BAZ2B: variants seen among roughly 807,000 people sequenced by gnomAD.
The protein encoded by BAZ2B is bromodomain adjacent to zinc finger domain protein 2B.
In BAZ2B, 91 loss-of-function variants were observed where a neutral mutation model predicts 246.0. The ratio of observed to expected loss-of-function variants is 0.37; its 90% CI spans 0.31 to 0.44. The LOEUF is 0.44. Ranked by LOEUF, BAZ2B falls within the 20% of genes least tolerant of loss-of-function variation. The pLI, the probability that BAZ2B is intolerant of heterozygous loss-of-function variation, is 1.00. For synonymous variants in BAZ2B, 855 were observed against 860.0 expected (o/e 0.99, Z 0.10); for missense variants, 2,332 against 2,533.7 (o/e 0.92, Z 1.71).
At chr2:159,326,704 G>A (rs2063759846) in intron 34 of BAZ2B, among the ~76,000 whole-genome samples, 1 of 152,152 alleles carries the variant, frequency 6.6e-6, no homozygotes, top group African/African-American at 2.4e-5. Context: ...ACTTGCTAAA[G>A]TCATTCTAGC....
At chr2:159,414,099 T>C (rs1161484316) in intron 13 of BAZ2B, among the ~76,000 whole-genome samples, 1 of 152,172 alleles carries the variant, frequency 6.6e-6, no homozygotes, top group African/African-American at 2.4e-5. Context: ...TGAGATCCTT[T>C]CATTTGCAAC....
At chr2:159,438,926 C>A in intron 7 of BAZ2B, 83 bp downstream of exon 7, 1 of 1,410,790 alleles carries the variant, frequency 7.1e-7, no homozygotes, top group Non-Finnish European at 9.7e-7. Context: ...AACTTTAAAA[C>A]TACAGACTTT....
the BAZ2B span, among the ~76,000 whole-genome samples, chr2:159,704,128 G>C: frequency 6.6e-6 from 1 of 152,144 alleles, no homozygotes; most frequent in Non-Finnish European, 1.5e-5. Context: ...AAGCTCCATG[G>C]TAAGAAACTT....
chr2:159,427,907 G>C (rs765979673), intron 13 of BAZ2B, 34 bp downstream of exon 13: 2 of 1,531,032 alleles, frequency 1.3e-6, no homozygotes, highest in Non-Finnish European at 1.8e-6. Context: ...ACTACTTTTT[G>C]GTTCAAAGAC....
chr2:159,613,424 A>C (rs1695122477), intron 1 of BAZ2B, among the ~76,000 whole-genome samples: 1 of 150,806 alleles, frequency 6.6e-6, no homozygotes, highest in Non-Finnish European at 1.5e-5. Context: ...TCTCATAAAT[A>C]ACTTTGTATT....
At chr2:159,539,874 T>G (rs1181499279) in intron 2 of BAZ2B, among the ~76,000 whole-genome samples, 5 of 152,134 alleles carry the variant, frequency 3.3e-5, no homozygotes, top group Admixed American at 2.0e-4. Context: ...AACCTCTGAT[T>G]TTCACAACAC....
At chr2:159,316,546 C>T (rs1158247469), downstream of BAZ2B, among the ~76,000 whole-genome samples, 7 of 151,570 alleles carry the variant, frequency 4.6e-5, no homozygotes, top group African/African-American at 9.7e-5. Context: ...AAAAATTAGC[C>T]GGGCGTGGTG....
chr2:159,385,309 C>T lies in BAZ2B; in HGVS notation c.3532G>A (p.Glu1178Lys), dbSNP rs565632225. The change falls in exon 23 of 37, where the codon GAG becomes AAG. Residue 1178 changes from glutamate to lysine, a missense_variant. This residue lies in a region of BAZ2B where 328 missense variants were observed against 410.4 expected (regional missense o/e 0.80). Coordinates refer to ENST00000392783, the MANE Select transcript of BAZ2B (RefSeq NM_013450.4). ...GCTTCCATAAATATCTGTAAAATCT[C>T]GGAAACATTGTCTCGATTCACACCA... ...NVGVNRDNVS[E>K]ILQIFMEAHC... 6.2e-6 allele frequency: 10 copies of T among 1,613,346 alleles called. No homozygotes were observed. In the Admixed American group the frequency reaches 1.0e-4, roughly 16 times the overall value.
chr2:159,671,218 CAT>C, the BAZ2B span, among the ~76,000 whole-genome samples: 2 of 152,136 alleles, frequency 1.3e-5, no homozygotes, highest in South Asian at 4.1e-4. Flanking sequence ...TATCTTCACT[CAT>C]AAGCTGTCAA....
At chr2:159,445,349 G>T (rs917272852) in intron 6 of BAZ2B, among the ~76,000 whole-genome samples, 1 of 152,210 alleles carries the variant, frequency 6.6e-6, no homozygotes, top group African/African-American at 2.4e-5. Flanking sequence ...ACAGGAAAAG[G>T]AGATGTAGGG....
At chr2:159,374,066 GTTTTTTTTTCTTTTTTT>G in intron 26 of BAZ2B, among the ~76,000 whole-genome samples, 1 of 125,260 alleles carries the variant, frequency 8.0e-6, no homozygotes, top group Non-Finnish European at 1.6e-5. Context: ...GTTTTTCTTA[GTTTTTTTTTCTTTTTTT>G]TTTTTTTTTA....
the BAZ2B span, among the ~76,000 whole-genome samples, chr2:159,696,614 C>A: frequency 6.6e-6 from 1 of 152,188 alleles, no homozygotes; most frequent in East Asian, 1.9e-4. Flanking sequence ...CTTCTTTCTT[C>A]TCCTGTGCAG....
intron 1 of BAZ2B, among the ~76,000 whole-genome samples, chr2:159,606,280 AC>A (rs756563494): frequency 8.0e-5 from 12 of 149,424 alleles, no homozygotes; most frequent in Non-Finnish European, 1.2e-4. Flanking sequence ...CTCCAAAGTA[AC>A]CCCTCTTTTA....
chr2:159,388,002 T>C (rs1195880338), intron 21 of BAZ2B, among the ~76,000 whole-genome samples: 2 of 152,038 alleles, frequency 1.3e-5, no homozygotes, highest in African/African-American at 2.4e-5. Context: ...AAAGTTTTCT[T>C]TAAGCACTTT....
chr2:159,683,916 G>C, the BAZ2B span, among the ~76,000 whole-genome samples: 1 of 152,146 alleles, frequency 6.6e-6, no homozygotes. Context: ...AACACTTTCA[G>C]GTTCTAGAAA....
At position 159,446,817 on chromosome 2, in the gene BAZ2B, G is replaced by A; in HGVS notation, c.661C>T (p.Pro221Ser). The A allele has an allele frequency of 6.2e-7, 1 of 1,611,524 alleles. No homozygotes were observed. The highest frequency in any genetic ancestry group is 8.5e-7 in the Non-Finnish European group (1 of 1,178,966). The change falls in exon 6 of 37, where the codon CCT (proline) becomes TCT (serine). Residue 221 changes from proline (P) to serine (S), a missense_variant. Physicochemically the swap from Pro to Ser is moderately conservative, Grantham distance 74. This residue lies in a region of BAZ2B where 161 missense variants were observed against 225.8 expected (regional missense o/e 0.71). Transcript: ENST00000392783. ...KCNQEQSKNQ[P>S]LDARVDKIKD... ...ATTTTGTCAACTCTAGCATCCAAAG[G>A]CTGGTTTTTGCTTTGTTCCTGATTA...
the BAZ2B span, chr2:159,712,387 G>T: frequency 5.2e-5 from 8 of 152,420 alleles, no homozygotes; most frequent in African/African-American, 1.9e-4. Context: ...CCCGCGGTGG[G>T]GTACCTCCAG....
the BAZ2B span, among the ~76,000 whole-genome samples, chr2:159,633,738 C>CTTT: frequency 4.2e-5 from 5 of 120,252 alleles, no homozygotes; most frequent in African/African-American, 1.3e-4. Context: ...TCACTTTATT[C>CTTT]TTTTTTTTTT....
At chr2:159,706,576 G>C in the BAZ2B span, among the ~76,000 whole-genome samples, 44 of 152,334 alleles carry the variant, frequency 2.9e-4, 1 homozygote, top group South Asian at 9.1e-3. Flanking sequence ...GTGCACACTT[G>C]GCTGAACTCT....
Sources: gnomAD v4.1 joint callset for allele counts (sites outside exome capture counted in the v4.1 genomes callset) on GRCh38, gnomAD v4.1.1 for gene constraint, gnomAD v4.1.1 regional missense constraint, MANE v1.5 for transcripts, NCBI Gene and HGNC (gene_info 2026-07-23, HGNC 2026-07-21) for gene names.